Variants in PRKD1 observed in about 807,000 individuals in gnomAD.
PRKD1 encodes the protein protein kinase D1.
Under a neutral mutation model 95.9 loss-of-function variants are expected in PRKD1, and 63 were observed. The observed-to-expected ratio is 0.66, with a 90% CI of 0.54 to 0.81. The LOEUF (loss-of-function observed/expected upper bound fraction) is 0.81. PRKD1 is among the 30% of genes least tolerant of loss of function. The pLI, the probability that PRKD1 is intolerant of heterozygous loss-of-function variation, is 0.00. For synonymous variants in PRKD1, 425 were observed against 423.1 expected, an observed-to-expected ratio of 1.00 and a Z score of -0.05; for missense variants, 1,048 against 1,165.3, an observed-to-expected ratio of 0.90 and a Z score of 1.47.
At chr14:29,822,287 C>T (rs943109295) in intron 1 of PRKD1, among the ~76,000 whole-genome samples, 3 of 152,164 alleles carry the variant, frequency 2.0e-5, no homozygotes, top group Non-Finnish European at 2.9e-5. Flanking sequence ...TTACGCAGAA[C>T]GATTTCTATA....
chr14:29,708,277 A>G (rs918545993), intron 2 of PRKD1, among the ~76,000 whole-genome samples: 24 of 152,210 alleles, frequency 1.6e-4, no homozygotes, highest in Non-Finnish European at 3.1e-4. Context: ...TATTTAAAGG[A>G]TGACATTAAA....
At chr14:29,836,852 CAGGTG>C (rs1461811382) in intron 1 of PRKD1, among the ~76,000 whole-genome samples, 1 of 152,098 alleles carries the variant, frequency 6.6e-6, no homozygotes, top group Non-Finnish European at 1.5e-5. Context: ...GGGAAGGCCA[CAGGTG>C]AGTGAGCTAG....
intron 1 of PRKD1, among the ~76,000 whole-genome samples, chr14:29,909,563 G>C (rs1894628205): frequency 6.6e-6 from 1 of 152,184 alleles, no homozygotes. Flanking sequence ...CTCAAGGTTT[G>C]TGAATGCACC....
chr14:29,842,591 T>C (rs1028807248), intron 1 of PRKD1, among the ~76,000 whole-genome samples: 1 of 152,224 alleles, frequency 6.6e-6, no homozygotes, highest in Non-Finnish European at 1.5e-5. Flanking sequence ...CTCCTTGTTA[T>C]TCTGTTTGCT....
At chr14:29,778,113 C>T (rs1455732089) in intron 1 of PRKD1, among the ~76,000 whole-genome samples, 1 of 152,210 alleles carries the variant, frequency 6.6e-6, no homozygotes, top group Non-Finnish European at 1.5e-5. Flanking sequence ...AAAGACACAA[C>T]ATACCAGACT....
rs1879933075 is a variant in PRKD1, at chr14:29,630,601, A to C, written c.1672+141T>G. On this transcript the variant is annotated intron_variant, in intron 10 of 17. Transcript: ENST00000331968. Reference sequence around the variant, plus strand: ...TATGTGCAGCAGCTTTTATTTAGACACCCTACATTCTACAATAAACTAAGT... The same window carrying C: ...TATGTGCAGCAGCTTTTATTTAGACCCCCTACATTCTACAATAAACTAAGT... The C allele has an allele frequency of 4.0e-5, 41 of 1,029,418 alleles. No homozygotes were observed. The South Asian group carries it at 5.9e-4, about 15-fold the overall frequency. 63.8% of individuals were successfully genotyped at this position (1,029,418 alleles called of 1,614,324 possible). A position where few individuals can be genotyped will look rare whatever the true frequency, so the allele number is the denominator to read the frequency against.
At chr14:29,637,346 T>G (rs1189028124) in intron 6 of PRKD1, among the ~76,000 whole-genome samples, 3 of 152,214 alleles carry the variant, frequency 2.0e-5, no homozygotes, top group Admixed American at 1.3e-4. Context: ...CCTGTCATTA[T>G]ACAGTTGATG....
chr14:29,687,558 A>AG (rs1445184688), intron 2 of PRKD1, among the ~76,000 whole-genome samples: 4 of 152,332 alleles, frequency 2.6e-5, no homozygotes, highest in African/African-American at 4.8e-5. Context: ...ATTGTCTGGA[A>AG]GGGGGGCCTG....
At chr14:29,630,710 C>T (rs760621913) in intron 10 of PRKD1, 32 bp downstream of exon 10, 2 of 1,613,642 alleles carry the variant, frequency 1.2e-6, no homozygotes, top group Non-Finnish European at 8.5e-7. Context: ...ACATGATGAG[C>T]TTTGGGCTGG....
chr14:29,723,863 T>C (rs1886018587), intron 2 of PRKD1, among the ~76,000 whole-genome samples: 1 of 151,758 alleles, frequency 6.6e-6, no homozygotes, highest in Non-Finnish European at 1.5e-5. Context: ...GGAAAGCAGG[T>C]AAGGAAATGG....
intron 4 of PRKD1, among the ~76,000 whole-genome samples, chr14:29,646,282 C>T (rs1303663384): frequency 6.6e-6 from 1 of 151,390 alleles, no homozygotes; most frequent in Non-Finnish European, 1.5e-5. Flanking sequence ...TTAATGGGTG[C>T]AAAAAAATAG....
At chr14:29,919,992 G>GAGAGAGAGA (rs200608178) in intron 1 of PRKD1, among the ~76,000 whole-genome samples, 9 of 146,568 alleles carry the variant, frequency 6.1e-5, no homozygotes, top group African/African-American at 2.3e-4. Flanking sequence ...GAGAAAGAGA[G>GAGAGAGAGA]GAAGGAAGGT....
At chr14:29,733,773 C>T (rs1886573681) in intron 1 of PRKD1, among the ~76,000 whole-genome samples, 1 of 152,072 alleles carries the variant, frequency 6.6e-6, no homozygotes, top group Non-Finnish European at 1.5e-5. Flanking sequence ...ATGGGGATTA[C>T]AATTCAAGAT....
intron 1 of PRKD1, among the ~76,000 whole-genome samples, chr14:29,822,849 C>G (rs1298756780): frequency 6.6e-6 from 1 of 151,922 alleles, no homozygotes; most frequent in African/African-American, 2.4e-5. Context: ...TAGTTCAGTC[C>G]CACAACATTC....
intron 1 of PRKD1, among the ~76,000 whole-genome samples, chr14:29,727,376 C>A (rs1886211154): frequency 6.7e-6 from 1 of 149,900 alleles, no homozygotes; most frequent in Non-Finnish European, 1.5e-5. Context: ...GTTTCTTTTG[C>A]TGTGCAGAAG....
chr14:29,623,762 C>T (rs79110797), intron 13 of PRKD1, among the ~76,000 whole-genome samples: 1 of 152,248 alleles, frequency 6.6e-6, no homozygotes, highest in African/African-American at 2.4e-5. Context: ...ACATAGCTCA[C>T]TCCCGTGACT....
intron 1 of PRKD1, among the ~76,000 whole-genome samples, chr14:29,810,729 C>T (rs1379556149): frequency 2.0e-5 from 3 of 152,248 alleles, no homozygotes; most frequent in African/African-American, 2.4e-5. Context: ...GGCACCTGCT[C>T]TGGCTTTAAA....
chr14:29,887,324 GT>G (rs1346843088), intron 1 of PRKD1, among the ~76,000 whole-genome samples: 1 of 152,142 alleles, frequency 6.6e-6, no homozygotes, highest in Non-Finnish European at 1.5e-5. Flanking sequence ...ACAAGAGGGA[GT>G]CAACACAAAG....
chr14:29,582,060 C>T (rs1892772890), intron 16 of PRKD1, among the ~76,000 whole-genome samples: 1 of 151,880 alleles, frequency 6.6e-6, no homozygotes, highest in Non-Finnish European at 1.5e-5. Flanking sequence ...CATTGAGACA[C>T]ATCAGTTCTT....
Sources: allele counts gnomAD v4.1 joint callset (sites outside exome capture counted in the v4.1 genomes callset), GRCh38; gene constraint gnomAD v4.1.1; transcripts MANE v1.5; gene names NCBI Gene and HGNC (gene_info 2026-07-23, HGNC 2026-07-21).